Variants in SMLR1 observed in about 807,000 individuals in gnomAD.
SMLR1 encodes the protein small leucine-rich protein 1.
SMLR1 carries 3 observed loss-of-function variants against 6.1 expected under a neutral mutation model. The ratio of observed to expected loss-of-function variants is 0.49; its 90% confidence interval spans 0.22 to 1.28. The LOEUF is 1.28. Ranked by LOEUF, SMLR1 falls within the 50% of genes most tolerant of loss-of-function variation. The pLI, the probability that SMLR1 is intolerant of heterozygous loss-of-function variation, is 0.19. For synonymous variants in SMLR1, 55 were observed against 53.6 expected (o/e 1.03, Z -0.11); for missense variants, 126 against 124.8 (o/e 1.01, Z -0.05).
intron 1 of SMLR1, among the ~76,000 whole-genome samples, chr6:130,833,080 C>T (rs1011969167): frequency 6.6e-6 from 1 of 152,162 alleles, no homozygotes; most frequent in African/African-American, 2.4e-5. Flanking sequence ...GTTCTCAAGG[C>T]CAACTGCCTA....
rs570062491 is a variant in SMLR1, at chr6:130,836,167, A to G, written c.*1212A>G. Reference sequence around the variant, plus strand: ...TCCATTTGCACTTCTTGCATAATATAAAACTTATTGCTAGAATAAAGACAC... The same window carrying G: ...TCCATTTGCACTTCTTGCATAATATGAAACTTATTGCTAGAATAAAGACAC... On this transcript the variant is annotated 3_prime_UTR_variant, in exon 2 of 2. Coordinates refer to ENST00000541421, the MANE Select transcript of SMLR1 (RefSeq NM_001195597.2). The G allele has an allele frequency of 6.6e-6, 1 of 152,306 alleles. No homozygotes were observed. Among genetic ancestry groups the G allele is most frequent in the African/African-American group, 2.4e-5 (1 of 41,578 alleles). 9.4% of individuals were successfully genotyped at this position (152,306 alleles called of 1,614,324 possible).
chr6:130,831,342 A>AT (rs920952716), intron 1 of SMLR1, among the ~76,000 whole-genome samples: 32 of 151,228 alleles, frequency 2.1e-4, no homozygotes, highest in East Asian at 7.8e-4. Context: ...CAGTGCATCT[A>AT]TTTTTTTTTG....
rs1284592145 is a variant in SMLR1 at position 130,835,585 on chromosome 6, T to C, written c.*630T>C. On this transcript the variant is annotated 3_prime_UTR_variant, in exon 2 of 2. Transcript: ENST00000541421. ...ACTAGGTATGGATCACCCACAAATG[T>C]AGCTTTCAGCATGATGCGACCTGGA... is the stretch of plus-strand genomic sequence containing the variant. 1 of 152,232 alleles carries C rather than the reference T, an allele frequency of 6.6e-6. No homozygotes were observed. The highest frequency in any genetic ancestry group is 1.5e-5 in the Non-Finnish European group (1 of 68,080). 9.4% of individuals were successfully genotyped at this position (152,232 alleles called of 1,614,324 possible).
Position 130,835,143 on chromosome 6 carries a change from C to A in SMLR1, c.*188C>A. ...TATCTAAGGGGACTTCTCAGAGACT[C>A]AGTATAACAGCAGCTCTTGAAAAGT... On this transcript the variant is annotated 3_prime_UTR_variant, in exon 2 of 2. Coordinates refer to ENST00000541421, the MANE Select transcript of SMLR1 (RefSeq NM_001195597.2). 1.7e-6 allele frequency: 1 copy of A among 573,614 alleles called. No individual in the cohort carries two copies. Among genetic ancestry groups the A allele is most frequent in the East Asian group, 3.0e-5 (1 of 33,602 alleles). The allele number at this position is 573,614 out of a possible 1,614,324, so 35.5% of individuals were successfully genotyped here. A position where few individuals can be genotyped will look rare whatever the true frequency, so the allele number is the denominator to read the frequency against.
At position 130,835,372 on chromosome 6, in the gene SMLR1, G is replaced by A. The variant is rs1774621590; in HGVS notation, c.*417G>A. ...ATCCAATGAATAGCAAAAGATGAAT[G>A]CCTTGGAGAGAGCTCAGTAGATTCC... is the stretch of plus-strand genomic sequence containing the variant. On this transcript the variant is annotated 3_prime_UTR_variant, in exon 2 of 2. Coordinates refer to ENST00000541421, the MANE Select transcript of SMLR1 (RefSeq NM_001195597.2). 6.2e-6 allele frequency: 1 copy of A among 161,132 alleles called. No homozygotes were observed. Among genetic ancestry groups the A allele is most frequent in the Admixed American group, 6.0e-5 (1 of 16,768 alleles). 10.0% of individuals were successfully genotyped at this position (161,132 alleles called of 1,614,324 possible).
chr6:130,834,510 G>A (rs1003562848), intron 1 of SMLR1, among the ~76,000 whole-genome samples: 1 of 152,210 alleles, frequency 6.6e-6, no homozygotes, highest in African/African-American at 2.4e-5. Flanking sequence ...TCTAAAGACT[G>A]TAAGTGCCCA....
Position 130,827,468 on chromosome 6 carries a change from G to C in SMLR1, c.55G>C (p.Ala19Pro), listed in dbSNP as rs1562254382. Residue 19 changes from alanine (A) to proline (P), a missense_variant, in exon 1 of 2, where the codon GCT becomes CCT. Coordinates refer to ENST00000541421, the MANE Select transcript of SMLR1 (RefSeq NM_001195597.2). ...AAAACAAGTACAGACTCAGAGGAAA[G>C]CTGCCCTGGTCCTGAGTGTGACTCC... ...RRKQVQTQRK[A>P]ALVLSVTPMV... 7.2e-6 allele frequency: 11 copies of C among 1,536,012 alleles called. No homozygotes were observed. Among genetic ancestry groups the C allele is most frequent in the Non-Finnish European group, 9.6e-6 (11 of 1,146,864 alleles).
At chr6:130,832,550 C>T (rs923733682) in intron 1 of SMLR1, among the ~76,000 whole-genome samples, 8 of 152,158 alleles carry the variant, frequency 5.3e-5, no homozygotes, top group African/African-American at 1.9e-4. Context: ...CGAGGTAATA[C>T]ATATAAGGTT....
At position 130,830,448 on chromosome 6, in the gene SMLR1, G is replaced by A. The variant is rs182649471; in HGVS notation, c.238+2797G>A. Among the ~76,000 whole-genome samples the A allele has an allele frequency of 1.8e-3, 277 of 152,240 alleles. 4 individuals carry two copies. Among genetic ancestry groups the A allele is most frequent in the Middle Eastern group, 3.4e-3 (1 of 294 alleles). Reference sequence around the variant, plus strand: ...TGGCAGAACAAAAATGTGTGCATCCGTTACTTAACGCAATGGGGGTCCCAT... The same window carrying A: ...TGGCAGAACAAAAATGTGTGCATCCATTACTTAACGCAATGGGGGTCCCAT... On this transcript the variant is annotated intron_variant, in intron 1 of 1. Transcript: ENST00000541421.
chr6:130,828,309 A>C (rs956017062), intron 1 of SMLR1, among the ~76,000 whole-genome samples: 1 of 152,206 alleles, frequency 6.6e-6, no homozygotes, highest in Non-Finnish European at 1.5e-5. Flanking sequence ...ATTCTGCTAT[A>C]ATTAAAATTA....
intron 1 of SMLR1, among the ~76,000 whole-genome samples, chr6:130,831,382 T>C (rs763124727): frequency 1.3e-5 from 2 of 152,216 alleles, no homozygotes; most frequent in Non-Finnish European, 2.9e-5. Context: ...TTTCCAGTGT[T>C]AGCAGCCAAC....
At chr6:130,832,545 T>C (rs2128384702) in intron 1 of SMLR1, among the ~76,000 whole-genome samples, 1 of 152,246 alleles carries the variant, frequency 6.6e-6, no homozygotes, top group Middle Eastern at 3.4e-3. Flanking sequence ...TTAAGCGAGG[T>C]AATACATATA....
intron 1 of SMLR1, among the ~76,000 whole-genome samples, chr6:130,833,240 A>T (rs1774524127): frequency 6.6e-6 from 1 of 152,164 alleles, no homozygotes; most frequent in African/African-American, 2.4e-5. Context: ...TGGGTAGATG[A>T]TTCACTGTAG....
rs1340348040 is a variant in SMLR1 at position 130,827,508 on chromosome 6, G to A, written c.95G>A (p.Gly32Glu). 6.5e-7 allele frequency: 1 copy of A among 1,535,936 alleles called. No individual in the cohort carries two copies. Among genetic ancestry groups the A allele is most frequent in the Non-Finnish European group, 8.7e-7 (1 of 1,146,826 alleles). ...AGTGTGACTCCCATGGTCCCCGTGG[G>A]GTCTGTGTGGTTGGCAATGAGCTCT... ...VLSVTPMVPV[G>E]SVWLAMSSVL... Residue 32 changes from glycine (G) to glutamate (E), a missense_variant, in exon 1 of 2, where the codon GGG becomes GAG. Gly to Glu is a moderately conservative substitution (Grantham distance 98). Coordinates refer to ENST00000541421, the MANE Select transcript of SMLR1 (RefSeq NM_001195597.2).
At chr6:130,828,443 T>C (rs9492733) in intron 1 of SMLR1, among the ~76,000 whole-genome samples, 3,408 of 152,322 alleles carry the variant, frequency 0.022, 131 homozygotes, top group African/African-American at 0.076. Flanking sequence ...TATTTCTTAA[T>C]TTGGATAGTG....
intron 1 of SMLR1, among the ~76,000 whole-genome samples, chr6:130,828,826 C>T (rs1052912326): frequency 1.3e-5 from 2 of 152,112 alleles, no homozygotes; most frequent in Non-Finnish European, 2.9e-5. Flanking sequence ...TTTGTTAAGT[C>T]AGTTTATCCT....
intron 1 of SMLR1, among the ~76,000 whole-genome samples, chr6:130,828,458 A>T (rs1027259887): frequency 2.5e-4 from 38 of 152,240 alleles, no homozygotes; most frequent in Non-Finnish European, 1.5e-4. Context: ...ATAGTGTCAT[A>T]TTAAAACAAA....
chr6:130,827,721 G>A (rs1343505329), intron 1 of SMLR1, 70 bp downstream of exon 1: 38 of 1,156,844 alleles, frequency 3.3e-5, no homozygotes, highest in Non-Finnish European at 4.1e-5. Context: ...ATATACCGAT[G>A]CACTGTCAGT....
chr6:130,827,496 T>C lies in SMLR1; in HGVS notation c.83T>C (p.Met28Thr), dbSNP rs1021058312. ...KAALVLSVTPMVPVGSVWLAM... is the reference protein window; with the variant it reads ...KAALVLSVTPTVPVGSVWLAM... ...GCCCTGGTCCTGAGTGTGACTCCCA[T>C]GGTCCCCGTGGGGTCTGTGTGGTTG... The change falls in exon 1 of 2, where the codon ATG (methionine) becomes ACG (threonine). Residue 28 changes from methionine to threonine, a missense_variant. By Grantham distance (81) the Met-to-Thr change is moderately conservative. Coordinates refer to ENST00000541421, the MANE Select transcript of SMLR1 (RefSeq NM_001195597.2). 1 of 1,535,986 alleles carries C rather than the reference T, an allele frequency of 6.5e-7. No homozygotes were observed. Among genetic ancestry groups the C allele is most frequent in the East Asian group, 2.4e-5 (1 of 40,912 alleles).
Sources: allele counts gnomAD v4.1 joint callset (sites outside exome capture counted in the v4.1 genomes callset), GRCh38; gene constraint gnomAD v4.1.1; transcripts MANE v1.5; gene names NCBI Gene and HGNC (gene_info 2026-07-23, HGNC 2026-07-21).